The following BORCS8 variants were observed in gnomAD, a reference collection of about 807,000 sequenced individuals.
BORCS8 encodes the protein BLOC-1-related complex subunit 8.
A neutral mutation model predicts 18.7 loss-of-function variants in BORCS8; 13 were observed. The ratio of observed to expected loss-of-function variants is 0.70; its 90% confidence interval spans 0.45 to 1.11. The LOEUF is 1.11. Ranked by LOEUF, BORCS8 falls within the 50% of genes least tolerant of loss-of-function variation. The probability of loss-of-function intolerance (pLI) is 0.00; values close to 1 mark genes in which losing one functional copy is unlikely to be tolerated. For synonymous variants in BORCS8, 68 were observed against 64.8 expected (o/e 1.05, Z -0.24); for missense variants, 165 against 165.7 (o/e 1.00, Z 0.02).
At chr19:19,185,063 G>A (rs1293313589) in intron 3 of BORCS8, among the ~76,000 whole-genome samples, 1 of 152,208 alleles carries the variant, frequency 6.6e-6, no homozygotes, top group Non-Finnish European at 1.5e-5. Flanking sequence ...TTTTCCTTGA[G>A]CTAAGGAAGA....
intron 1 of BORCS8, 32 bp downstream of exon 1, chr19:19,192,048 GC>G: frequency 6.5e-7 from 1 of 1,550,172 alleles, no homozygotes. Flanking sequence ...CAAGTTACCG[GC>G]CCCCTCTGTC....
chr19:19,183,582 T>C (rs2060372777), intron 3 of BORCS8, among the ~76,000 whole-genome samples: 1 of 151,658 alleles, frequency 6.6e-6, no homozygotes, highest in African/African-American at 2.4e-5. Context: ...AATATTTTTT[T>C]TCTTTCTTTT....
chr19:19,177,696 G>GGGAAAAGAAAAGAAAAGAAAAGAAA lies in BORCS8; in HGVS notation c.*43-237_*43-236insTTTCTTTTCTTTTCTTTTCTTTTCC, dbSNP rs1376064847. The GGGAAAAGAAAAGAAAAGAAAAGAAA allele has an allele frequency of 2.0e-4, 15 of 74,648 alleles. 1 individual carries two copies. The highest frequency in any genetic ancestry group is 7.7e-4 in the African/African-American group (15 of 19,598). 4.6% of individuals were successfully genotyped at this position (74,648 alleles called of 1,614,324 possible). A position where few individuals can be genotyped will look rare whatever the true frequency, so the allele number is the denominator to read the frequency against. Reference sequence around the variant, plus strand: ...AGGAAGGAAGGAAGGAAGGAAGGAAGAGAAAAGAAAAGAAAAGAAAAGAAA... The same window carrying GGGAAAAGAAAAGAAAAGAAAAGAAA: ...AGGAAGGAAGGAAGGAAGGAAGGAAGGGAAAAGAAAAGAAAAGAAAAGAAAAGAAAAGAAAAGAAAAGAAAAGAAA... On this transcript the variant is annotated intron_variant, in intron 5 of 5. Coordinates refer to ENST00000462790, the MANE Select transcript of BORCS8 (RefSeq NM_001145784.2).
chr19:19,187,073 T>G, intron 1 of BORCS8, 68 bp from the exon 2 acceptor site: 2 of 1,262,694 alleles, frequency 1.6e-6, no homozygotes, highest in Non-Finnish European at 2.2e-6. Context: ...ATTGCTCAAG[T>G]GTTGAGCCCA....
chr19:19,185,582 A>G (rs2060399013), intron 3 of BORCS8, among the ~76,000 whole-genome samples: 1 of 152,188 alleles, frequency 6.6e-6, no homozygotes, highest in Non-Finnish European at 1.5e-5. Context: ...GCTACTCGGG[A>G]GGCTGAAGCG....
rs558607027 is a variant in BORCS8 at position 19,191,332 on chromosome 19, A to T, written c.37+749T>A. On this transcript the variant is annotated intron_variant, in intron 1 of 5. Transcript: ENST00000462790. ...AGCGAGACTCCGTCAAAAAAAAAAAAAATTAAAGAATTAGCCTGATGTGGT... is the reference window on the plus strand; with the variant it reads ...AGCGAGACTCCGTCAAAAAAAAAAATAATTAAAGAATTAGCCTGATGTGGT... Among the ~76,000 whole-genome samples, 287 of 152,030 alleles carry T rather than the reference A, an allele frequency of 1.9e-3. 1 individual carries two copies. Among genetic ancestry groups the T allele is most frequent in the African/African-American group, 6.6e-3 (272 of 41,470 alleles).
At chr19:19,188,587 C>A (rs1012835613) in intron 1 of BORCS8, among the ~76,000 whole-genome samples, 1 of 152,184 alleles carries the variant, frequency 6.6e-6, no homozygotes, top group Non-Finnish European at 1.5e-5. Flanking sequence ...CCCACAGGAC[C>A]TGAAAGTGCC....
At chr19:19,180,621 G>T in intron 5 of BORCS8, 65 bp downstream of exon 5, 1 of 1,148,124 alleles carries the variant, frequency 8.7e-7, no homozygotes, top group Non-Finnish European at 1.3e-6. Flanking sequence ...CTGCCTGGCT[G>T]CCAAGCGGGC....
chr19:19,187,677 T>G (rs2060423969), intron 1 of BORCS8, among the ~76,000 whole-genome samples: 1 of 151,170 alleles, frequency 6.6e-6, no homozygotes, highest in Non-Finnish European at 1.5e-5. Flanking sequence ...TAGCTGGGAT[T>G]ACAGGCATGC....
chr19:19,180,442 T>G (rs1017996202), intron 5 of BORCS8: 18 of 565,994 alleles, frequency 3.2e-5, no homozygotes, highest in Non-Finnish European at 5.0e-5. Context: ...GCCTATGGCC[T>G]GGAAAAGAGA....
chr19:19,180,998 C>T (rs2060343212), intron 4 of BORCS8, among the ~76,000 whole-genome samples: 1 of 151,904 alleles, frequency 6.6e-6, no homozygotes, highest in African/African-American at 2.4e-5. Flanking sequence ...AGTTCAAGAC[C>T]AGCCTGGCCA....
At chr19:19,184,541 A>G (rs746807400) in intron 3 of BORCS8, among the ~76,000 whole-genome samples, 7 of 151,646 alleles carry the variant, frequency 4.6e-5, no homozygotes, top group Non-Finnish European at 7.4e-5. Context: ...TGAGCTCATG[A>G]TCCGCCTGCC....
At chr19:19,180,904 G>A (rs1309381096) in intron 4 of BORCS8, 143 bp from the exon 5 acceptor site, 4 of 867,634 alleles carry the variant, frequency 4.6e-6, no homozygotes, top group Non-Finnish European at 7.0e-6. Flanking sequence ...CTTAAAAGTG[G>A]GATGAGTGGG....
rs952612242 is a variant in BORCS8, at chr19:19,185,910, T to C, written c.215+124A>G. On this transcript the variant is annotated intron_variant, in intron 3 of 5. Transcript: ENST00000462790. ...CAAGTGAATCGTGGTACAGACCCCA[T>C]ACACCCACTCGGGTAGGCCTGGCAG... 1.7e-5 allele frequency: 16 copies of C among 963,958 alleles called. No homozygotes were observed. In the Admixed American group the frequency reaches 1.8e-4, roughly 11 times the overall value. The allele number at this position is 963,958 out of a possible 1,614,324, so 59.7% of individuals were successfully genotyped here.
In BORCS8 at chr19:19,192,100, C is replaced by T. The variant is rs1200257375; in HGVS notation, c.18G>A (p.Met6Ile). 3 of 1,551,490 alleles carry T rather than the reference C, an allele frequency of 1.9e-6. No individual in the cohort carries two copies. Among genetic ancestry groups the T allele is most frequent in the South Asian group, 1.2e-5 (1 of 84,060 alleles). ...CACCACCTTTCTTCCCCTTGAGCTGCATCTCCGGCTCCTCCATAGCGACCG... is the reference window on the plus strand; with the variant it reads ...CACCACCTTTCTTCCCCTTGAGCTGTATCTCCGGCTCCTCCATAGCGACCG... MEEPE[M>I]QLKGKKVTDK... The change falls in exon 1 of 6, where the codon ATG becomes ATA. Residue 6 changes from methionine to isoleucine, a missense_variant. Met to Ile is a conservative substitution (Grantham distance 10). Coordinates refer to ENST00000462790, the MANE Select transcript of BORCS8 (RefSeq NM_001145784.2).
intron 2 of BORCS8, 144 bp downstream of exon 2, chr19:19,186,749 A>G: frequency 1.7e-6 from 1 of 589,488 alleles, no homozygotes; most frequent in Non-Finnish European, 3.0e-6. Context: ...TAATACACAC[A>G]TCTTGCCATC....
intron 4 of BORCS8, 21 bp from the exon 5 acceptor site, chr19:19,180,782 C>A: frequency 6.5e-7 from 1 of 1,540,318 alleles, no homozygotes; most frequent in Non-Finnish European, 8.8e-7. Context: ...ACATGTGCAG[C>A]ATCCATGAGG....
At chr19:19,190,481 C>T (rs2060455745) in intron 1 of BORCS8, among the ~76,000 whole-genome samples, 1 of 152,200 alleles carries the variant, frequency 6.6e-6, no homozygotes, top group Non-Finnish European at 1.5e-5. Flanking sequence ...CCAGATAGGC[C>T]TCCTCGCTTT....
chr19:19,180,767 A>T lies in BORCS8; in HGVS notation c.327-6T>A. 2 of 1,546,864 alleles carry T rather than the reference A, an allele frequency of 1.3e-6. No individual in the cohort carries two copies. The highest frequency in any genetic ancestry group is 1.7e-6 in the Non-Finnish European group (2 of 1,144,808). Reference sequence around the variant, plus strand: ...GCGGGGGTGGTTCCTCCGGGCTGCAACAAAACATGTGCAGCATCCATGAGG... The same window carrying T: ...GCGGGGGTGGTTCCTCCGGGCTGCATCAAAACATGTGCAGCATCCATGAGG... On this transcript the variant is annotated splice_polypyrimidine_tract_variant and splice_region_variant and intron_variant, in intron 4 of 5. Coordinates refer to ENST00000462790, the MANE Select transcript of BORCS8 (RefSeq NM_001145784.2).
Sources: allele counts gnomAD v4.1 joint callset (sites outside exome capture counted in the v4.1 genomes callset), GRCh38; gene constraint gnomAD v4.1.1; transcripts MANE v1.5; gene names NCBI Gene and HGNC (gene_info 2026-07-23, HGNC 2026-07-21).